Variants in FANCL observed in about 807,000 individuals in gnomAD.
The protein encoded by FANCL is FA complementation group L, also known as E3 ubiquitin-protein ligase FANCL.
In FANCL, 69 loss-of-function variants were observed where a neutral mutation model predicts 59.4. The ratio of observed to expected loss-of-function variants is 1.16; its 90% CI spans 0.96 to 1.42. The LOEUF (loss-of-function observed/expected upper bound fraction) is 1.42, where lower values mean the gene tolerates loss of function less well. FANCL is among the 40% of genes most tolerant of loss of function. The pLI is 0.00. For synonymous variants in FANCL, 180 were observed against 147.1 expected, an observed-to-expected ratio of 1.22 and a Z score of -1.62; for missense variants, 519 against 447.2, an observed-to-expected ratio of 1.16 and a Z score of -1.45.
intron 5 of FANCL, 84 bp from the exon 6 acceptor site, chr2:58,204,310 A>G: frequency 2.1e-6 from 2 of 971,166 alleles, no homozygotes; most frequent in South Asian, 1.3e-5. Flanking sequence ...TGAAATGAAA[A>G]TATTTGCTAT....
At chr2:58,233,917 A>G (rs191889783) in intron 1 of FANCL, among the ~76,000 whole-genome samples, 45 of 152,186 alleles carry the variant, frequency 3.0e-4, no homozygotes, top group Admixed American at 9.8e-4. Context: ...GAGGAAAAAG[A>G]AAAGTGGGAA....
chr2:58,174,221 C>T (rs1330595935), intron 7 of FANCL, among the ~76,000 whole-genome samples: 1 of 152,160 alleles, frequency 6.6e-6, no homozygotes, highest in Admixed American at 6.5e-5. Flanking sequence ...CAACATTAGA[C>T]AGATCAACAA....
intron 5 of FANCL, among the ~76,000 whole-genome samples, chr2:58,206,915 T>C (rs1016370083): frequency 1.3e-5 from 2 of 152,312 alleles, no homozygotes; most frequent in East Asian, 1.9e-4. Context: ...TATTAATAGG[T>C]TGAGTATATG....
intron 5 of FANCL, among the ~76,000 whole-genome samples, chr2:58,205,644 G>A (rs1423899117): frequency 6.6e-6 from 1 of 151,920 alleles, no homozygotes; most frequent in Non-Finnish European, 1.5e-5. Flanking sequence ...AAAAGAAGAA[G>A]GAATAGTATT....
chr2:58,179,021 A>C (rs1222572937), intron 7 of FANCL, among the ~76,000 whole-genome samples: 1 of 152,214 alleles, frequency 6.6e-6, no homozygotes, highest in Admixed American at 6.5e-5. Flanking sequence ...AATCCAACTT[A>C]CAAGGGATGT....
At position 58,162,739 on chromosome 2, in the gene FANCL, G is replaced by T. The variant is rs1285813519; in HGVS notation, c.903+127C>A. On this transcript the variant is annotated intron_variant, in intron 11 of 13. Coordinates refer to ENST00000233741, the MANE Select transcript of FANCL (RefSeq NM_018062.4). ...AAAGGTAAACAAGTTTTTTGATGCA[G>T]ATCAGAAGTCTGTGTTATAATATTT... 6.0e-6 allele frequency: 5 copies of T among 833,282 alleles called. No homozygotes were observed. In the East Asian group the frequency reaches 1.3e-4, roughly 21 times the overall value. 51.6% of individuals were successfully genotyped at this position (833,282 alleles called of 1,614,324 possible).
chr2:58,229,106 G>T (rs1324434618), intron 3 of FANCL, among the ~76,000 whole-genome samples: 3 of 152,060 alleles, frequency 2.0e-5, no homozygotes, highest in Non-Finnish European at 4.4e-5. Context: ...CTTTATGGGA[G>T]AGTTACTGTG....
intron 4 of FANCL, among the ~76,000 whole-genome samples, chr2:58,225,476 A>T (rs1162109459): frequency 6.6e-6 from 1 of 152,010 alleles, no homozygotes. Flanking sequence ...GATACAGGCA[A>T]TGATTGTTAT....
At chr2:58,167,948 AC>A (rs1204445587) in intron 7 of FANCL, among the ~76,000 whole-genome samples, 1 of 151,886 alleles carries the variant, frequency 6.6e-6, no homozygotes, top group African/African-American at 2.4e-5. Flanking sequence ...ATCACTAAAA[AC>A]CCTTATTTTG....
chr2:58,215,887 G>GC (rs1691667189), intron 5 of FANCL, among the ~76,000 whole-genome samples: 1 of 151,566 alleles, frequency 6.6e-6, no homozygotes, highest in African/African-American at 2.4e-5. Context: ...AAAAAGTCAA[G>GC]CAGAAAGGCA....
intron 5 of FANCL, among the ~76,000 whole-genome samples, chr2:58,206,917 G>A (rs1286310686): frequency 6.6e-6 from 1 of 152,182 alleles, no homozygotes; most frequent in Non-Finnish European, 1.5e-5. Flanking sequence ...TTAATAGGTT[G>A]AGTATATGCG....
In FANCL at chr2:58,232,094, T is replaced by A. The variant is rs1431826996; in HGVS notation, c.115A>T (p.Arg39Trp). Residue 39 changes from arginine (R) to tryptophan (W), a missense_variant, in exon 2 of 14, where the codon AGG becomes TGG. Coordinates refer to ENST00000233741, the MANE Select transcript of FANCL (RefSeq NM_018062.4). ...TGTAAATCTTCAGGCAACACTATCC[T>A]AAGGTGGAAGTCTCTTCCCTGTGGA... ...ISAQGRDFHL[R>W]IVLPEDLQLK... is the part of the protein sequence containing the mutation. The A allele has an allele frequency of 6.2e-7, 1 of 1,613,166 alleles. No individual in the cohort carries two copies. The highest frequency in any genetic ancestry group is 8.5e-7 in the Non-Finnish European group (1 of 1,179,444).
intron 2 of FANCL, 73 bp from the exon 3 acceptor site, chr2:58,229,947 C>T: frequency 1.0e-6 from 1 of 968,454 alleles, no homozygotes; most frequent in Non-Finnish European, 1.7e-6. Flanking sequence ...CTAACACAAA[C>T]ATGCATGTAC....
At chr2:58,165,348 T>C (rs1397787907) in intron 8 of FANCL, among the ~76,000 whole-genome samples, 1 of 152,218 alleles carries the variant, frequency 6.6e-6, no homozygotes, top group African/African-American at 2.4e-5. Flanking sequence ...TTCCCAGATC[T>C]GAGCACACTA....
At chr2:58,211,642 T>G (rs1366373786) in intron 5 of FANCL, among the ~76,000 whole-genome samples, 3 of 152,214 alleles carry the variant, frequency 2.0e-5, no homozygotes, top group Admixed American at 6.5e-5. Context: ...CTTTTAAAAC[T>G]AAATGCTTTT....
chr2:58,193,608 A>G (rs1406480551), intron 7 of FANCL, among the ~76,000 whole-genome samples: 1 of 152,128 alleles, frequency 6.6e-6, no homozygotes, highest in African/African-American at 2.4e-5. Context: ...TAAGACTGCC[A>G]ACAAAGAAAA....
At chr2:58,240,699 G>A (rs913687263) in intron 1 of FANCL, among the ~76,000 whole-genome samples, 2 of 152,182 alleles carry the variant, frequency 1.3e-5, no homozygotes, top group African/African-American at 4.8e-5. Context: ...TTCCATTGCT[G>A]TCATGCTTCT....
rs572469329 is a variant in FANCL at position 58,163,376 on chromosome 2, A to G, written c.775+58T>C. 6.3e-4 allele frequency: 719 copies of G among 1,135,416 alleles called. 1 individual carries two copies. Among genetic ancestry groups the G allele is most frequent in the Admixed American group, 8.1e-4 (47 of 58,138 alleles). 70.3% of individuals were successfully genotyped at this position (1,135,416 alleles called of 1,614,324 possible). ...ACTAATATTGTCTAATAATTTAACA[A>G]TGCTAGGCAAGGATTTTATGACTCT... On this transcript the variant is annotated intron_variant, in intron 9 of 13. Coordinates refer to ENST00000233741, the MANE Select transcript of FANCL (RefSeq NM_018062.4).
At chr2:58,223,240 C>G (rs1011542975) in intron 4 of FANCL, among the ~76,000 whole-genome samples, 1 of 151,532 alleles carries the variant, frequency 6.6e-6, no homozygotes, top group African/African-American at 2.4e-5. Flanking sequence ...TATATGCTGC[C>G]TTTTTTATAA....
Sources: gnomAD v4.1 joint callset for allele counts (sites outside exome capture counted in the v4.1 genomes callset) on GRCh38, gnomAD v4.1.1 for gene constraint, MANE v1.5 for transcripts, NCBI Gene and HGNC (gene_info 2026-07-23, HGNC 2026-07-21) for gene names.